Variants in TCF4 observed in about 807,000 individuals in gnomAD.
The protein encoded by TCF4 is SL3-3 enhancer factor 2.
Under a neutral mutation model 82.1 loss-of-function variants are expected in TCF4, and 3 were observed. The observed-to-expected ratio is 0.04, with a 90% CI of 0.02 to 0.09. The LOEUF is 0.09. Ranked by LOEUF, TCF4 falls within the 10% of genes least tolerant of loss-of-function variation. The probability of loss-of-function intolerance (pLI) is 1.00; values close to 1 mark genes in which losing one functional copy is unlikely to be tolerated. For synonymous variants in TCF4, 276 were observed against 309.6 expected (o/e 0.89, Z 1.14); for missense variants, 518 against 852.7 (o/e 0.61, Z 4.89).
intron 3 of TCF4, among the ~76,000 whole-genome samples, chr18:55,579,302 G>A (rs905112632): frequency 4.6e-5 from 7 of 151,726 alleles, no homozygotes; most frequent in Non-Finnish European, 8.8e-5. Context: ...CTGGTGGTCA[G>A]TTGTGAAAAT....
chr18:55,439,494 A>C (rs1301560865), intron 5 of TCF4, among the ~76,000 whole-genome samples: 3 of 152,160 alleles, frequency 2.0e-5, no homozygotes, highest in Non-Finnish European at 4.4e-5. Context: ...AAACCCTCAG[A>C]AAGTATCTAG....
At chr18:55,473,116 T>C (rs1476087462) in intron 3 of TCF4, among the ~76,000 whole-genome samples, 1 of 152,208 alleles carries the variant, frequency 6.6e-6, no homozygotes, top group African/African-American at 2.4e-5. Context: ...AAATGCCTAT[T>C]TGGTAAATAA....
chr18:55,545,856 T>C (rs949923187), intron 3 of TCF4, among the ~76,000 whole-genome samples: 1 of 152,208 alleles, frequency 6.6e-6, no homozygotes, highest in Non-Finnish European at 1.5e-5. Flanking sequence ...GGTCCCTGTC[T>C]CTAAAAAACC....
At chr18:55,488,691 C>T (rs957491730) in intron 3 of TCF4, among the ~76,000 whole-genome samples, 14 of 152,188 alleles carry the variant, frequency 9.2e-5, no homozygotes, top group Non-Finnish European at 2.9e-5. Context: ...GCTGTTCAAA[C>T]AGCCATCACC....
chr18:55,291,668 T>A (rs1056914912), intron 8 of TCF4, among the ~76,000 whole-genome samples: 1 of 152,180 alleles, frequency 6.6e-6, no homozygotes, highest in Non-Finnish European at 1.5e-5. Context: ...CTATGTCCAA[T>A]CAGCTGCTTC....
intron 3 of TCF4, among the ~76,000 whole-genome samples, chr18:55,511,699 CCTAAA>C (rs1235497269): frequency 6.6e-6 from 1 of 151,964 alleles, no homozygotes; most frequent in African/African-American, 2.4e-5. Context: ...AGAAGTTTTA[CCTAAA>C]CTAAATTATT....
At chr18:55,604,402 G>T (rs960212767) in intron 2 of TCF4, among the ~76,000 whole-genome samples, 2 of 152,066 alleles carry the variant, frequency 1.3e-5, no homozygotes, top group Non-Finnish European at 2.9e-5. Context: ...TTCCTCTGGT[G>T]GGGGTGAGAT....
At chr18:55,320,763 T>C in intron 8 of TCF4, 1 of 152,364 alleles carries the variant, frequency 6.6e-6, no homozygotes. Context: ...CATTCTTCTT[T>C]TCTATTTTAA....
chr18:55,291,724 G>A (rs1039964413), intron 8 of TCF4, among the ~76,000 whole-genome samples: 5 of 152,058 alleles, frequency 3.3e-5, no homozygotes, highest in East Asian at 1.9e-4. Flanking sequence ...CCTCCTGCCC[G>A]GGGCAAACTT....
At chr18:55,627,464 G>C (rs2097727568) in intron 2 of TCF4, among the ~76,000 whole-genome samples, 1 of 152,160 alleles carries the variant, frequency 6.6e-6, no homozygotes, top group South Asian at 2.1e-4. Context: ...ATTCAGAAGA[G>C]TCAAGAAAGG....
chr18:55,424,630 C>T (rs2147028997), intron 5 of TCF4, among the ~76,000 whole-genome samples: 1 of 152,220 alleles, frequency 6.6e-6, no homozygotes, highest in South Asian at 2.1e-4. Context: ...TAATACACAG[C>T]ACTGAGGCCC....
rs1225213361 is a variant in TCF4, at chr18:55,225,691, T to C, written c.*2344A>G. On this transcript the variant is annotated 3_prime_UTR_variant, in exon 20 of 20. Coordinates refer to ENST00000354452, the MANE Select transcript of TCF4 (RefSeq NM_001083962.2). ...AGAGAGTATACATTATTGTCTTCCATGTCCTTCTCTGAGCCTCTTTGTTCA... is the reference window on the plus strand; with the variant it reads ...AGAGAGTATACATTATTGTCTTCCACGTCCTTCTCTGAGCCTCTTTGTTCA... 6.6e-6 allele frequency: 1 copy of C among 152,548 alleles called. No individual in the cohort carries two copies. The highest frequency in any genetic ancestry group is 2.4e-5 in the African/African-American group (1 of 41,466). The allele number at this position is 152,548 out of a possible 1,614,324, so 9.4% of individuals were successfully genotyped here.
chr18:55,433,683 T>C (rs189619192), intron 5 of TCF4, among the ~76,000 whole-genome samples: 4 of 152,384 alleles, frequency 2.6e-5, no homozygotes, highest in Admixed American at 2.0e-4. Context: ...CAGCAATGTC[T>C]ATGCAAGAGG....
intron 6 of TCF4, among the ~76,000 whole-genome samples, chr18:55,361,988 C>G (rs1394194312): frequency 6.6e-6 from 1 of 152,166 alleles, no homozygotes; most frequent in Non-Finnish European, 1.5e-5. Context: ...TTCCACTGAT[C>G]TTTCTTACAT....
At chr18:55,355,398 G>C (rs186263224) in intron 6 of TCF4, among the ~76,000 whole-genome samples, 91 of 152,272 alleles carry the variant, frequency 6.0e-4, no homozygotes, top group African/African-American at 2.0e-3. Flanking sequence ...CCATGGGGAA[G>C]TTTCTGTAAA....
chr18:55,354,569 A>C (rs1165557311), intron 6 of TCF4, among the ~76,000 whole-genome samples: 1 of 152,188 alleles, frequency 6.6e-6, no homozygotes, highest in Non-Finnish European at 1.5e-5. Flanking sequence ...TCAAAAATAG[A>C]ACTCACTGCT....
chr18:55,588,531 T>C (rs761340207), upstream of TCF4: 2 of 1,533,282 alleles, frequency 1.3e-6, no homozygotes, highest in Non-Finnish European at 1.7e-6. Context: ...TTTTGCCCGT[T>C]GCATCCCTCG....
intron 2 of TCF4, 166 bp from the exon 3 acceptor site, chr18:55,585,518 C>A (rs1191544786): frequency 1.4e-6 from 1 of 709,358 alleles, no homozygotes. Flanking sequence ...AACAACATTA[C>A]AGATCCCACC....
intron 4 of TCF4, among the ~76,000 whole-genome samples, chr18:55,462,007 G>A (rs2095875627): frequency 6.6e-6 from 1 of 152,154 alleles, no homozygotes; most frequent in Non-Finnish European, 1.5e-5. Flanking sequence ...CTCAGCTGGT[G>A]GAACTGCCCA....
Sources: allele counts gnomAD v4.1 joint callset (sites outside exome capture counted in the v4.1 genomes callset), GRCh38; gene constraint gnomAD v4.1.1; transcripts MANE v1.5; gene names NCBI Gene and HGNC (gene_info 2026-07-23, HGNC 2026-07-21).